The following MGAT4C variants were observed in gnomAD, a reference collection of about 807,000 sequenced individuals.
The protein encoded by MGAT4C is MGAT4 family member C.
MGAT4C carries 19 observed loss-of-function variants against 40.1 expected under a neutral mutation model. The ratio of observed to expected loss-of-function variants is 0.47; its 90% CI spans 0.33 to 0.70. MGAT4C has a LOEUF of 0.70. MGAT4C is among the 30% of genes least tolerant of loss of function. The pLI is 0.02. For missense variants in MGAT4C, 491 were observed against 563.2 expected, an observed-to-expected ratio of 0.87 and a Z score of 1.30; for synonymous variants, 181 against 187.1, an observed-to-expected ratio of 0.97 and a Z score of 0.27.
intron 2 of MGAT4C, among the ~76,000 whole-genome samples, chr12:86,508,634 A>G (rs2136344548): frequency 6.6e-6 from 1 of 151,864 alleles, no homozygotes; most frequent in African/African-American, 2.4e-5. Context: ...GAATCGCCAC[A>G]CCGACCTTCA....
chr12:86,740,240 CT>C (rs1951047632), intron 1 of MGAT4C, among the ~76,000 whole-genome samples: 1 of 150,878 alleles, frequency 6.6e-6, no homozygotes, highest in South Asian at 2.1e-4. Flanking sequence ...GTTTTAGAAT[CT>C]TTTTTTCTTT....
chr12:86,340,386 G>A (rs1954882789), intron 3 of MGAT4C, among the ~76,000 whole-genome samples: 1 of 152,068 alleles, frequency 6.6e-6, no homozygotes, highest in Admixed American at 6.5e-5. Flanking sequence ...TTTAAAAAAT[G>A]TTTAGCTTGA....
chr12:86,056,281 A>G (rs2136986135), intron 1 of MGAT4C, among the ~76,000 whole-genome samples: 1 of 152,300 alleles, frequency 6.6e-6, no homozygotes, highest in Admixed American at 6.5e-5. Flanking sequence ...CACGTGCACA[A>G]CGTGCAGGTT....
intron 2 of MGAT4C, among the ~76,000 whole-genome samples, chr12:86,482,032 T>C (rs1957946105): frequency 6.6e-6 from 1 of 150,776 alleles, no homozygotes; most frequent in Non-Finnish European, 1.5e-5. Flanking sequence ...AAAACAGTCC[T>C]CTTTTTTCTT....
chr12:86,109,415 T>C (rs1876816550), intron 1 of MGAT4C, among the ~76,000 whole-genome samples: 1 of 152,106 alleles, frequency 6.6e-6, no homozygotes, highest in Non-Finnish European at 1.5e-5. Flanking sequence ...AAAGAGTTAA[T>C]TAAACAGAAG....
intron 2 of MGAT4C, among the ~76,000 whole-genome samples, chr12:86,436,470 T>A (rs554013881): frequency 5.4e-4 from 82 of 151,858 alleles, no homozygotes; most frequent in African/African-American, 1.9e-3. Flanking sequence ...ATAGTTTGTA[T>A]CAGTTAACTA....
In MGAT4C at chr12:86,701,323, T is replaced by C. The variant is rs75953802; in HGVS notation, c.-229+25886A>G. 5.2e-4 allele frequency among the ~76,000 whole-genome samples: 79 copies of C among 152,276 alleles called. 1 individual carries two copies. The highest frequency in any genetic ancestry group is 1.8e-3 in the African/African-American group (76 of 41,588). ...TTTCCAACAGCATGTGCTCACTTTATGTCTCTGTCACATTTTGGTAATTCT... is the reference window on the plus strand; with the variant it reads ...TTTCCAACAGCATGTGCTCACTTTACGTCTCTGTCACATTTTGGTAATTCT... On this transcript the variant is annotated intron_variant, in intron 2 of 7. Transcript: ENST00000548651.
intron 2 of MGAT4C, among the ~76,000 whole-genome samples, chr12:86,661,743 A>G (rs1368282686): frequency 6.6e-6 from 1 of 152,066 alleles, no homozygotes; most frequent in Non-Finnish European, 1.5e-5. Context: ...GTCAGGTTCG[A>G]GACCAGCCAA....
At chr12:86,154,180 G>T (rs1401671548) in intron 1 of MGAT4C, among the ~76,000 whole-genome samples, 1 of 152,064 alleles carries the variant, frequency 6.6e-6, no homozygotes, top group Non-Finnish European at 1.5e-5. Flanking sequence ...TCTCTGGGTG[G>T]CCTTGGACTG....
chr12:86,155,269 C>T (rs914770567), intron 1 of MGAT4C, among the ~76,000 whole-genome samples: 8 of 151,862 alleles, frequency 5.3e-5, no homozygotes, highest in African/African-American at 1.5e-4. Context: ...TTGTAGGCAA[C>T]GGAAATAATT....
intron 1 of MGAT4C, among the ~76,000 whole-genome samples, chr12:86,221,705 T>C (rs1950882156): frequency 3.3e-5 from 5 of 152,178 alleles, no homozygotes; most frequent in South Asian, 4.1e-4. Context: ...ACCATGTCCA[T>C]ATAAAACAAA....
intron 3 of MGAT4C, among the ~76,000 whole-genome samples, chr12:86,347,789 T>C (rs1955072464): frequency 3.9e-5 from 6 of 152,136 alleles, no homozygotes; most frequent in Admixed American, 3.9e-4. Flanking sequence ...TAGCCAACAA[T>C]TCCTGACACT....
At chr12:86,772,585 G>C (rs1951657516) in intron 1 of MGAT4C, among the ~76,000 whole-genome samples, 1 of 152,094 alleles carries the variant, frequency 6.6e-6, no homozygotes, top group Non-Finnish European at 1.5e-5. Flanking sequence ...AGGCTGAGGA[G>C]ATGAGGCTGC....
chr12:86,679,852 T>C (rs1191429947), intron 2 of MGAT4C, among the ~76,000 whole-genome samples: 1 of 152,096 alleles, frequency 6.6e-6, no homozygotes, highest in African/African-American at 2.4e-5. Flanking sequence ...TTAGAGTATT[T>C]TGTTATCGTA....
chr12:86,443,706 G>T (rs1054351208), intron 2 of MGAT4C, among the ~76,000 whole-genome samples: 38 of 152,176 alleles, frequency 2.5e-4, no homozygotes, highest in African/African-American at 8.7e-4. Context: ...CCATTCTCCC[G>T]CCTCAGCCTC....
intron 1 of MGAT4C, among the ~76,000 whole-genome samples, chr12:86,786,240 G>C (rs1257753872): frequency 6.6e-6 from 1 of 152,026 alleles, no homozygotes; most frequent in Admixed American, 6.6e-5. Flanking sequence ...AAAGTGCTTT[G>C]TGAACACAGA....
At chr12:86,294,302 G>C (rs187411893) in intron 4 of MGAT4C, among the ~76,000 whole-genome samples, 96 of 151,530 alleles carry the variant, frequency 6.3e-4, no homozygotes, top group African/African-American at 2.0e-3. Flanking sequence ...GTCTTTATCT[G>C]TATCTTCCTA....
intron 2 of MGAT4C, among the ~76,000 whole-genome samples, chr12:86,458,107 C>G (rs1427014349): frequency 6.6e-6 from 1 of 152,052 alleles, no homozygotes; most frequent in Non-Finnish European, 1.5e-5. Flanking sequence ...TCTGAATCAA[C>G]TATTACCTTT....
At chr12:86,782,522 G>C (rs7955342) in intron 1 of MGAT4C, among the ~76,000 whole-genome samples, 24,227 of 151,908 alleles carry the variant, frequency 0.16, 3,099 homozygotes, top group African/African-American at 0.35. Context: ...ATTTGGAATA[G>C]GGTTAATATA....
Sources: allele counts gnomAD v4.1 joint callset (sites outside exome capture counted in the v4.1 genomes callset), GRCh38; gene constraint gnomAD v4.1.1; transcripts MANE v1.5; gene names NCBI Gene and HGNC (gene_info 2026-07-23, HGNC 2026-07-21).